The following GRIP1 variants were observed in gnomAD, a reference collection of about 807,000 sequenced individuals.
GRIP1 encodes glutamate receptor interacting protein 1, also known as glutamate receptor-interacting protein 1.
A neutral mutation model predicts 129.9 loss-of-function variants in GRIP1; 45 were observed. That is an observed-to-expected ratio of 0.35 (90% CI 0.27 to 0.44). The LOEUF is 0.44. Ranked by LOEUF, GRIP1 falls within the 20% of genes least tolerant of loss-of-function variation. The pLI is 1.00. For synonymous variants in GRIP1, 530 were observed against 520.8 expected (o/e 1.02, Z -0.24); for missense variants, 1,196 against 1,396.8 (o/e 0.86, Z 2.29).
At chr12:66,455,318 A>C in intron 11 of GRIP1, 91 bp downstream of exon 11, 2 of 1,210,976 alleles carry the variant, frequency 1.7e-6, no homozygotes, top group Non-Finnish European at 1.2e-6. Context: ...AGCAACTGTG[A>C]AACACTCTTC....
At chr12:66,557,519 A>G (rs1411583881) in intron 2 of GRIP1, among the ~76,000 whole-genome samples, 1 of 152,186 alleles carries the variant, frequency 6.6e-6, no homozygotes, top group Admixed American at 6.5e-5. Context: ...CAGCATACAC[A>G]TTCTCCTCAG....
intron 1 of GRIP1, among the ~76,000 whole-genome samples, chr12:66,979,576 T>C (rs997761515): frequency 3.3e-5 from 5 of 152,102 alleles, no homozygotes; most frequent in Non-Finnish European, 4.4e-5. Context: ...AAACCTCAGT[T>C]CTGAGAGACA....
chr12:67,036,202 C>T (rs2135794003), intron 1 of GRIP1, among the ~76,000 whole-genome samples: 1 of 152,186 alleles, frequency 6.6e-6, no homozygotes, highest in East Asian at 1.9e-4. Context: ...AACTTAGTAG[C>T]CGAGTTTGCA....
At chr12:66,789,251 T>C (rs181758185) in intron 1 of GRIP1, among the ~76,000 whole-genome samples, 2 of 152,250 alleles carry the variant, frequency 1.3e-5, no homozygotes, top group Admixed American at 1.3e-4. Context: ...GAGAATTAAG[T>C]CGGATGGGCA....
At chr12:66,788,134 A>G (rs530593100) in intron 1 of GRIP1, among the ~76,000 whole-genome samples, 3 of 152,296 alleles carry the variant, frequency 2.0e-5, no homozygotes, top group Admixed American at 6.5e-5. Context: ...TTTAGAAAGC[A>G]AAGTTGAGTG....
At chr12:66,606,301 G>A (rs906797530) in intron 1 of GRIP1, among the ~76,000 whole-genome samples, 1 of 151,194 alleles carries the variant, frequency 6.6e-6, no homozygotes, top group Admixed American at 6.6e-5. Context: ...CTGGTTGTAT[G>A]TAAGGGGTAT....
In GRIP1 at chr12:66,390,853, G is replaced by C. The variant is rs547063570; in HGVS notation, c.2464+1455C>G. Among the ~76,000 whole-genome samples, 3 of 152,250 alleles carry C rather than the reference G, an allele frequency of 2.0e-5. No individual in the cohort carries two copies. The South Asian group carries it at 6.2e-4, about 32-fold the overall frequency. On this transcript the variant is annotated intron_variant, in intron 19 of 24. Transcript: ENST00000359742. ...CAGGCAATCAGAAGGTCTGTTATTTGGTGGCATAGGTGAACTTGTCACAAG... is the reference window on the plus strand; with the variant it reads ...CAGGCAATCAGAAGGTCTGTTATTTCGTGGCATAGGTGAACTTGTCACAAG...
intron 1 of GRIP1, among the ~76,000 whole-genome samples, chr12:66,643,148 T>C (rs2032077753): frequency 1.3e-5 from 2 of 152,202 alleles, no homozygotes; most frequent in African/African-American, 2.4e-5. Context: ...CCTTCTCTAC[T>C]TTGGTAGGAG....
chr12:66,728,197 T>C, intron 1 of GRIP1, among the ~76,000 whole-genome samples: 1 of 152,236 alleles, frequency 6.6e-6, no homozygotes, highest in East Asian at 1.9e-4. Flanking sequence ...TATACAAATT[T>C]CCTTATGTTA....
intron 1 of GRIP1, among the ~76,000 whole-genome samples, chr12:66,996,917 A>C (rs1325519836): frequency 6.6e-6 from 1 of 152,162 alleles, no homozygotes; most frequent in Non-Finnish European, 1.5e-5. Context: ...AAAAGGAAGA[A>C]GGGAGAACCA....
At chr12:67,030,722 T>C (rs2043009945) in intron 1 of GRIP1, among the ~76,000 whole-genome samples, 1 of 152,234 alleles carries the variant, frequency 6.6e-6, no homozygotes, top group African/African-American at 2.4e-5. Flanking sequence ...TTATTTCATT[T>C]TAACCCCCTA....
intron 19 of GRIP1, among the ~76,000 whole-genome samples, chr12:66,387,404 G>T (rs532286458): frequency 6.6e-6 from 1 of 152,234 alleles, no homozygotes; most frequent in Non-Finnish European, 1.5e-5. Flanking sequence ...CACATACCAT[G>T]CTGGAACTGG....
chr12:66,985,143 TAGA>T (rs761820459), intron 1 of GRIP1, among the ~76,000 whole-genome samples: 1 of 152,164 alleles, frequency 6.6e-6, no homozygotes, highest in Admixed American at 6.5e-5. Context: ...AAGAATAAGG[TAGA>T]AGAAGTACAT....
At chr12:66,895,444 ATC>A (rs112526399) in intron 1 of GRIP1, among the ~76,000 whole-genome samples, 6 of 152,214 alleles carry the variant, frequency 3.9e-5, no homozygotes, top group African/African-American at 1.2e-4. Flanking sequence ...AGTCCACTAA[ATC>A]TCTTTTTCTT....
At chr12:66,854,816 A>G (rs1026171978) in intron 1 of GRIP1, among the ~76,000 whole-genome samples, 1 of 152,066 alleles carries the variant, frequency 6.6e-6, no homozygotes, top group African/African-American at 2.4e-5. Flanking sequence ...CAGTGTTGAT[A>G]TAAGAGGAAT....
intron 1 of GRIP1, among the ~76,000 whole-genome samples, chr12:66,600,410 C>A (rs1052054501): frequency 3.3e-5 from 5 of 152,192 alleles, no homozygotes; most frequent in Non-Finnish European, 5.9e-5. Flanking sequence ...CCATCCCTAG[C>A]ACATCGTAGG....
intron 7 of GRIP1, among the ~76,000 whole-genome samples, chr12:66,507,122 C>T (rs1184700692): frequency 4.6e-5 from 7 of 152,138 alleles, no homozygotes; most frequent in African/African-American, 1.7e-4. Flanking sequence ...GTTTCCAGCT[C>T]ATTGAGATCA....
At chr12:66,785,164 A>G in intron 1 of GRIP1, among the ~76,000 whole-genome samples, 1 of 151,674 alleles carries the variant, frequency 6.6e-6, no homozygotes. Flanking sequence ...CTACTTGAAG[A>G]AAAAAGGTTG....
intron 1 of GRIP1, chr12:67,035,522 T>C (rs973191559): frequency 6.6e-6 from 1 of 152,206 alleles, no homozygotes; most frequent in African/African-American, 2.4e-5. Context: ...TATGTTTGGA[T>C]GGGAACATCA....
Sources: gnomAD v4.1 joint callset for allele counts (sites outside exome capture counted in the v4.1 genomes callset) on GRCh38, gnomAD v4.1.1 for gene constraint, MANE v1.5 for transcripts, NCBI Gene and HGNC (gene_info 2026-07-23, HGNC 2026-07-21) for gene names.